FRYL: variants seen among roughly 807,000 people sequenced by gnomAD.
FRYL encodes the protein protein furry homolog-like.
A neutral mutation model predicts 351.2 loss-of-function variants in FRYL; 150 were observed. The observed-to-expected ratio is 0.43, with a 90% CI of 0.37 to 0.49. The LOEUF (loss-of-function observed/expected upper bound fraction) is 0.49, where lower values mean the gene tolerates loss of function less well. Among genes scored for constraint, FRYL ranks in the 20% least tolerant of loss-of-function variants. FRYL has a pLI of 0.00. For missense variants in FRYL, 3,036 were observed against 3,619.3 expected, an observed-to-expected ratio of 0.84 and a Z score of 4.13; for synonymous variants, 1,153 against 1,257.1, an observed-to-expected ratio of 0.92 and a Z score of 1.75.
intron 1 of FRYL, among the ~76,000 whole-genome samples, chr4:48,774,100 T>C (rs114091539): frequency 0.018 from 2,682 of 152,106 alleles, 74 homozygotes; most frequent in African/African-American, 0.061. Context: ...TAGGCAAATA[T>C]AGAAACAAAG....
intron 27 of FRYL, among the ~76,000 whole-genome samples, chr4:48,569,540 C>T (rs569338266): frequency 1.1e-4 from 16 of 152,320 alleles, no homozygotes; most frequent in African/African-American, 3.4e-4. Context: ...TCAGGTGATC[C>T]GCCCTCCTTG....
chr4:48,547,781 A>G lies in FRYL; in HGVS notation c.4889-12T>C. 2 of 1,429,682 alleles carry G rather than the reference A, an allele frequency of 1.4e-6. No homozygotes were observed. The highest frequency in any genetic ancestry group is 2.5e-5 in the East Asian group (1 of 40,618). The allele number at this position is 1,429,682 out of a possible 1,614,324, so 88.6% of individuals were successfully genotyped here. A position where few individuals can be genotyped will look rare whatever the true frequency, so the allele number is the denominator to read the frequency against. On this transcript the variant is annotated splice_polypyrimidine_tract_variant and intron_variant, in intron 40 of 63. Transcript: ENST00000358350. ...GCAGTGGTCAAACCCTAAAAAGGAT[A>G]GTAGAGAAACATTATCAATAAAGAG...
Position 48,547,715 on chromosome 4 carries a change from T to A in FRYL, c.4943A>T (p.His1648Leu). The A allele has an allele frequency of 6.3e-7, 1 of 1,589,572 alleles. No homozygotes were observed. Among genetic ancestry groups the A allele is most frequent in the Non-Finnish European group, 8.6e-7 (1 of 1,163,890 alleles). ...VYEHCKRLLL[H>L]LLIVMGPNSN... ...ATTGGGTCCCATTACTATTAATAAG[T>A]GCAGAAGCAGGCGTTTACAATGTTC... Residue 1648 changes from histidine (H) to leucine (L), a missense_variant, in exon 41 of 64, where the codon CAC becomes CTC. His to Leu is a moderately conservative substitution (Grantham distance 99). Coordinates refer to ENST00000358350, the MANE Select transcript of FRYL (RefSeq NM_015030.2).
chr4:48,733,678 T>C (rs780239170), intron 1 of FRYL, among the ~76,000 whole-genome samples: 4 of 152,182 alleles, frequency 2.6e-5, no homozygotes, highest in South Asian at 2.1e-4. Context: ...TATATGTGCA[T>C]GCTTATGTAG....
At chr4:48,748,947 G>T (rs1365946103) in intron 1 of FRYL, among the ~76,000 whole-genome samples, 1 of 152,138 alleles carries the variant, frequency 6.6e-6, no homozygotes, top group East Asian at 1.9e-4. Flanking sequence ...CATCCAGGTG[G>T]ACATCAGGAG....
intron 37 of FRYL, among the ~76,000 whole-genome samples, chr4:48,551,120 A>G (rs527266155): frequency 2.0e-5 from 3 of 152,228 alleles, no homozygotes; most frequent in African/African-American, 7.2e-5. Context: ...GTTTACTATG[A>G]CGTACATTAA....
intron 3 of FRYL, among the ~76,000 whole-genome samples, chr4:48,675,374 G>A (rs748218143): frequency 6.6e-6 from 1 of 152,222 alleles, no homozygotes; most frequent in South Asian, 2.1e-4. Flanking sequence ...GGCTGCCTGC[G>A]GCGCTTGCGG....
chr4:48,594,308 G>A (rs536867584), intron 15 of FRYL, among the ~76,000 whole-genome samples: 2 of 152,038 alleles, frequency 1.3e-5, no homozygotes, highest in South Asian at 2.1e-4. Flanking sequence ...ACAATGAAAG[G>A]AAGTCCCAAG....
chr4:48,543,808 T>C lies in FRYL; in HGVS notation c.5591A>G (p.Gln1864Arg). ...ETVGDPGEDAQGFVIELLLTL... is the reference protein window; with the variant it reads ...ETVGDPGEDARGFVIELLLTL... ...TGCTGAAAGAATATAAGGAAATACC[T>C]GTGCATCTTCTCCTGGATCCCCTAC... The change falls in exon 44 of 64, where the codon CAG (glutamine) becomes CGG (arginine). Residue 1864 changes from glutamine to arginine, a missense_variant and splice_region_variant. Transcript: ENST00000358350. 6.2e-7 allele frequency: 1 copy of C among 1,612,518 alleles called. No homozygotes were observed. Among genetic ancestry groups the C allele is most frequent in the Non-Finnish European group, 8.5e-7 (1 of 1,179,120 alleles).
In FRYL at chr4:48,683,893, G is replaced by A. The variant is rs918444934; in HGVS notation, c.-81+780C>T. On this transcript the variant is annotated intron_variant, in intron 3 of 63. Coordinates refer to ENST00000358350, the MANE Select transcript of FRYL (RefSeq NM_015030.2). The stretch of plus-strand genomic sequence containing the variant: ...TCTCCCTCCTTCTCTCTCTGGATAT[G>A]ATCCCATGTTATTTCCATTTTGTCT... Among the ~76,000 whole-genome samples the A allele has an allele frequency of 1.1e-4, 17 of 152,268 alleles. No individual in the cohort carries two copies. In the East Asian group the frequency reaches 3.1e-3, roughly 28 times the overall value.
At chr4:48,499,883 T>C (rs1334517012) in intron 63 of FRYL, 147 bp downstream of exon 63, 2 of 751,044 alleles carry the variant, frequency 2.7e-6, no homozygotes, top group African/African-American at 3.5e-5. Context: ...AAAATTGGTA[T>C]CATTTCAGTG....
At chr4:48,581,643 T>C in intron 20 of FRYL, 38 bp from the exon 21 acceptor site, 6 of 1,525,932 alleles carry the variant, frequency 3.9e-6, no homozygotes, top group Admixed American at 2.0e-5. Flanking sequence ...TATAAAAATA[T>C]ATGCACAGAC....
chr4:48,589,044 A>G (rs1260812940), intron 18 of FRYL, among the ~76,000 whole-genome samples: 1 of 152,208 alleles, frequency 6.6e-6, no homozygotes, highest in East Asian at 1.9e-4. Flanking sequence ...GTAGTACATA[A>G]TAATTGTATA....
chr4:48,512,796 T>C (rs1186246106), intron 56 of FRYL, 108 bp from the exon 57 acceptor site: 1 of 723,640 alleles, frequency 1.4e-6, no homozygotes, highest in South Asian at 1.9e-5. Context: ...TTATTCATCA[T>C]ACACACTGAT....
At chr4:48,736,819 C>T (rs572081759) in intron 1 of FRYL, among the ~76,000 whole-genome samples, 14 of 129,526 alleles carry the variant, frequency 1.1e-4, no homozygotes, top group African/African-American at 2.8e-4. Context: ...CACTGCACTC[C>T]GGCCTGGGCG....
At chr4:48,544,123 C>A in intron 43 of FRYL, 126 bp from the exon 44 acceptor site, 1 of 746,076 alleles carries the variant, frequency 1.3e-6, no homozygotes, top group East Asian at 2.7e-5. Flanking sequence ...TTTTATAAGT[C>A]AATGCTTTTT....
chr4:48,553,329 C>T lies in FRYL; in HGVS notation c.4321G>A (p.Glu1441Lys), dbSNP rs1241106698. The change falls in exon 36 of 64, where the codon GAG becomes AAG. Residue 1441 changes from glutamate (E) to lysine (K), a missense_variant. By Grantham distance (56) the Glu-to-Lys change is moderately conservative. Around this residue, in one of 7 missense-constraint regions of FRYL, gnomAD observed 1,987 missense variants for 2,311.7 expected, o/e 0.86. Transcript: ENST00000358350. ...GTCAGCTGAAGCTCACTCACCAGCTCTTCTAGCAACTGCATTGTTTTATCT... is the reference window on the plus strand; with the variant it reads ...GTCAGCTGAAGCTCACTCACCAGCTTTTCTAGCAACTGCATTGTTTTATCT... ...GRDKTMQLLE[E>K]LVSELQLTDP... The T allele has an allele frequency of 6.2e-7, 1 of 1,612,590 alleles. No homozygotes were observed. The highest frequency in any genetic ancestry group is 8.5e-7 in the Non-Finnish European group (1 of 1,179,000).
chr4:48,551,775 G>C (rs1329506093), intron 36 of FRYL, among the ~76,000 whole-genome samples, 197 bp from the exon 37 acceptor site: 1 of 152,196 alleles, frequency 6.6e-6, no homozygotes, highest in African/African-American at 2.4e-5. Flanking sequence ...AATACAAATG[G>C]ACAGTAAGTA....
At chr4:48,530,125 G>A (rs781580242) in intron 50 of FRYL, among the ~76,000 whole-genome samples, 3 of 152,010 alleles carry the variant, frequency 2.0e-5, no homozygotes, top group Non-Finnish European at 2.9e-5. Context: ...ATGTTTCTGG[G>A]TCACTTCTGA....
Sources: allele counts gnomAD v4.1 joint callset (sites outside exome capture counted in the v4.1 genomes callset), GRCh38; gene constraint gnomAD v4.1.1; regional missense constraint gnomAD v4.1.1; transcripts MANE v1.5; gene names NCBI Gene and HGNC (gene_info 2026-07-23, HGNC 2026-07-21).